Variants in PARD3 observed in about 807,000 individuals in gnomAD.
PARD3 encodes par-3 family cell polarity regulator, also known as partitioning defective 3 homolog.
PARD3 carries 75 observed loss-of-function variants against 155.4 expected under a neutral mutation model. The observed-to-expected ratio is 0.48, with a 90% CI of 0.40 to 0.58. PARD3 has a LOEUF of 0.58. Among genes scored for constraint, PARD3 ranks in the 20% least tolerant of loss-of-function variants. The pLI is 0.00. For missense variants in PARD3, 1,642 were observed against 1,721.7 expected, an observed-to-expected ratio of 0.95 and a Z score of 0.82; for synonymous variants, 576 against 610.5, an observed-to-expected ratio of 0.94 and a Z score of 0.83.
intron 22 of PARD3, among the ~76,000 whole-genome samples, chr10:34,228,287 C>T (rs1197930229): frequency 2.0e-5 from 3 of 151,934 alleles, no homozygotes; most frequent in Non-Finnish European, 4.4e-5. Context: ...TGAAAAACCA[C>T]GTAACCACTA....
chr10:34,750,030 TACAC>T (rs71984849), intron 1 of PARD3, among the ~76,000 whole-genome samples: 8,403 of 140,628 alleles, frequency 0.06, 271 homozygotes, highest in African/African-American at 0.095. Flanking sequence ...TCAAAAAAAG[TACAC>T]ACACACACAC....
intron 14 of PARD3, among the ~76,000 whole-genome samples, chr10:34,357,403 A>G (rs116980341): frequency 1.4e-3 from 220 of 152,348 alleles, no homozygotes; most frequent in Admixed American, 3.3e-3. Context: ...TCTGATACAC[A>G]TAAGATGCTC....
intron 22 of PARD3, among the ~76,000 whole-genome samples, chr10:34,235,544 T>C (rs910110835): frequency 1.3e-5 from 2 of 152,326 alleles, no homozygotes; most frequent in African/African-American, 2.4e-5. Context: ...TTGCTTTTTT[T>C]CCCCAATTCA....
chr10:34,343,663 C>A, intron 15 of PARD3: 1 of 985,204 alleles, frequency 1.0e-6, no homozygotes, highest in Non-Finnish European at 1.2e-6. Flanking sequence ...ACATATTCTA[C>A]TAAGCTGCAC....
At chr10:34,749,023 G>A (rs956901382) in intron 1 of PARD3, among the ~76,000 whole-genome samples, 4 of 152,078 alleles carry the variant, frequency 2.6e-5, no homozygotes, top group African/African-American at 4.8e-5. Context: ...AAATACTAAC[G>A]GCATGAAGCG....
intron 22 of PARD3, among the ~76,000 whole-genome samples, chr10:34,210,503 C>T (rs1951693847): frequency 6.6e-6 from 1 of 152,120 alleles, no homozygotes; most frequent in Non-Finnish European, 1.5e-5. Flanking sequence ...GTATACGTAA[C>T]AGCTCAAGGT....
chr10:34,117,784 G>A (rs550095825), intron 24 of PARD3, among the ~76,000 whole-genome samples: 1 of 152,236 alleles, frequency 6.6e-6, no homozygotes, highest in African/African-American at 2.4e-5. Context: ...GGTGGCGCAC[G>A]CCTGTAACCC....
chr10:34,716,696 G>T (rs536709260), intron 1 of PARD3, among the ~76,000 whole-genome samples: 6 of 148,372 alleles, frequency 4.0e-5, no homozygotes, highest in African/African-American at 1.5e-4. Context: ...GGGTTCAAGC[G>T]ATTCTCCTGC....
intron 3 of PARD3, among the ~76,000 whole-genome samples, chr10:34,471,989 T>C (rs1349288411): frequency 2.0e-5 from 3 of 152,226 alleles, no homozygotes; most frequent in African/African-American, 7.2e-5. Flanking sequence ...GCTATTTATA[T>C]ACAGTGAAAG....
At chr10:34,118,512 T>G (rs1383191924) in intron 24 of PARD3, among the ~76,000 whole-genome samples, 2 of 152,098 alleles carry the variant, frequency 1.3e-5, no homozygotes, top group Non-Finnish European at 2.9e-5. Context: ...GCCCAGCTAA[T>G]TTTTGTATTT....
rs1275920599 is a variant in PARD3 at position 34,223,539 on chromosome 10, G to A, written c.3419+46118C>T. Among the ~76,000 whole-genome samples the A allele has an allele frequency of 2.6e-5, 4 of 152,264 alleles. No homozygotes were observed. In the South Asian group the frequency reaches 6.2e-4, roughly 24 times the overall value. On this transcript the variant is annotated intron_variant, in intron 22 of 24. Coordinates refer to ENST00000374788, the MANE Select transcript of PARD3 (RefSeq NM_001184785.2). ...CTTAGCTCTTTACGTGGGGGAAGGC[G>A]AACAGGGTGAGAGATAAATTTGACC... is the stretch of plus-strand genomic sequence containing the variant.
chr10:34,794,201 G>A (rs1841996340), intron 1 of PARD3, among the ~76,000 whole-genome samples: 2 of 152,138 alleles, frequency 1.3e-5, no homozygotes, highest in South Asian at 4.1e-4. Context: ...CATATACTCA[G>A]TACAGGGATG....
rs569275695 is a variant in PARD3 at position 34,659,892 on chromosome 10, C to T, written c.222+36426G>A. ...TTCAATGGTAGGTACTTTTTGCTTC[C>T]GCGCATGCATTTTCTTCCCTAGAAA... On this transcript the variant is annotated intron_variant, in intron 2 of 24. Coordinates refer to ENST00000374788, the MANE Select transcript of PARD3 (RefSeq NM_001184785.2). 3.7e-4 allele frequency among the ~76,000 whole-genome samples: 57 copies of T among 152,196 alleles called. 1 individual carries two copies. The highest frequency in any genetic ancestry group is 1.3e-3 in the African/African-American group (52 of 41,514).
chr10:34,674,247 A>G (rs2093661057), intron 2 of PARD3, among the ~76,000 whole-genome samples: 2 of 152,294 alleles, frequency 1.3e-5, no homozygotes, highest in Admixed American at 6.5e-5. Flanking sequence ...ACAGTTTAAC[A>G]CTGCCACAGC....
intron 2 of PARD3, among the ~76,000 whole-genome samples, chr10:34,522,099 G>C (rs780921064): frequency 1.3e-5 from 2 of 152,154 alleles, no homozygotes; most frequent in African/African-American, 2.4e-5. Context: ...ACAGGATGGA[G>C]GTTAAGAACC....
chr10:34,179,031 A>C (rs1197448143), intron 22 of PARD3, among the ~76,000 whole-genome samples: 1 of 152,084 alleles, frequency 6.6e-6, no homozygotes, highest in Non-Finnish European at 1.5e-5. Flanking sequence ...CTCACCTCCC[A>C]GGGGAACTGA....
Position 34,452,653 on chromosome 10 carries a change from A to G in PARD3, c.583-2205T>C, listed in dbSNP as rs138348930. ...GTAAATGGTCTTGTTGGCGCTATGGACTGCTGATTATTATCTCTCTGGACA... is the reference window on the plus strand; with the variant it reads ...GTAAATGGTCTTGTTGGCGCTATGGGCTGCTGATTATTATCTCTCTGGACA... On this transcript the variant is annotated intron_variant, in intron 4 of 24. Coordinates refer to ENST00000374788, the MANE Select transcript of PARD3 (RefSeq NM_001184785.2). Among the ~76,000 whole-genome samples the G allele has an allele frequency of 3.1e-3, 472 of 152,054 alleles. 2 individuals are homozygous for G. The highest frequency in any genetic ancestry group is 0.011 in the African/African-American group (442 of 41,476).
At chr10:34,155,796 T>C (rs943225395) in intron 22 of PARD3, among the ~76,000 whole-genome samples, 11 of 151,684 alleles carry the variant, frequency 7.3e-5, no homozygotes, top group Non-Finnish European at 1.3e-4. Flanking sequence ...GTACTGACCA[T>C]GGGGGGTCAT....
At chr10:34,634,087 T>C (rs770411571) in intron 2 of PARD3, among the ~76,000 whole-genome samples, 2 of 152,148 alleles carry the variant, frequency 1.3e-5, no homozygotes, top group South Asian at 2.1e-4. Flanking sequence ...ATGGCAGGAA[T>C]AGATGACACT....
Sources: allele counts gnomAD v4.1 joint callset (sites outside exome capture counted in the v4.1 genomes callset), GRCh38; gene constraint gnomAD v4.1.1; transcripts MANE v1.5; gene names NCBI Gene and HGNC (gene_info 2026-07-23, HGNC 2026-07-21).